The following TRAPPC10 variants were observed in gnomAD, a reference collection of about 807,000 sequenced individuals.
TRAPPC10 encodes the protein TRAPP 130 kDa subunit.
A neutral mutation model predicts 125.5 loss-of-function variants in TRAPPC10; 23 were observed. That is an observed-to-expected ratio of 0.18 (90% CI 0.13 to 0.26). TRAPPC10 has a LOEUF of 0.26. Among genes scored for constraint, TRAPPC10 ranks in the 10% least tolerant of loss-of-function variants. The probability of loss-of-function intolerance (pLI) is 1.00; values close to 1 mark genes in which losing one functional copy is unlikely to be tolerated. For synonymous variants in TRAPPC10, 509 were observed against 518.0 expected, an observed-to-expected ratio of 0.98 and a Z score of 0.24; for missense variants, 1,123 against 1,308.4, an observed-to-expected ratio of 0.86 and a Z score of 2.19.
At chr21:44,014,420 G>A (rs2031564247) in intron 1 of TRAPPC10, among the ~76,000 whole-genome samples, 3 of 151,084 alleles carry the variant, frequency 2.0e-5, no homozygotes, top group African/African-American at 2.4e-5. Flanking sequence ...TTGAGACGGC[G>A]TCTTTCTCTG....
rs141330356 is a variant in TRAPPC10 at position 44,062,372 on chromosome 21, C to T, written c.791-1166C>T. Among the ~76,000 whole-genome samples, 3 of 152,302 alleles carry T rather than the reference C, an allele frequency of 2.0e-5. No homozygotes were observed. The East Asian group carries it at 5.8e-4, about 29-fold the overall frequency. On this transcript the variant is annotated intron_variant, in intron 6 of 22. Transcript: ENST00000291574. ...AACAGGCACAGAAAAGTAAATCTAT[C>T]ACTTGCTGTCCATAATAGTAAGTTT...
At chr21:44,050,518 A>T (rs1015238402) in intron 3 of TRAPPC10, among the ~76,000 whole-genome samples, 5 of 151,884 alleles carry the variant, frequency 3.3e-5, no homozygotes, top group African/African-American at 9.7e-5. Flanking sequence ...GCCGGGTGCT[A>T]TGTGTATTTT....
At chr21:44,025,108 A>G (rs942959268) in intron 1 of TRAPPC10, among the ~76,000 whole-genome samples, 2 of 152,212 alleles carry the variant, frequency 1.3e-5, no homozygotes, top group African/African-American at 4.8e-5. Context: ...TTGTGCACAG[A>G]TAGCCTGTCT....
intron 5 of TRAPPC10, among the ~76,000 whole-genome samples, chr21:44,057,679 C>T (rs1286088145): frequency 6.6e-6 from 1 of 152,216 alleles, no homozygotes; most frequent in Admixed American, 6.5e-5. Flanking sequence ...TATTAGAGTG[C>T]TGAGTCTTGT....
At chr21:44,037,038 A>G (rs1029743825) in intron 2 of TRAPPC10, among the ~76,000 whole-genome samples, 3 of 152,230 alleles carry the variant, frequency 2.0e-5, no homozygotes, top group African/African-American at 7.2e-5. Flanking sequence ...AGTCCCATTC[A>G]TGATGGTTGG....
At chr21:44,039,901 G>A (rs778785944) in intron 3 of TRAPPC10, among the ~76,000 whole-genome samples, 6 of 152,210 alleles carry the variant, frequency 3.9e-5, no homozygotes, top group African/African-American at 7.2e-5. Flanking sequence ...ATACTGATGC[G>A]TCCAATTTTA....
intron 4 of TRAPPC10, among the ~76,000 whole-genome samples, chr21:44,054,021 C>T (rs2035398291): frequency 6.6e-6 from 1 of 152,152 alleles, no homozygotes; most frequent in Non-Finnish European, 1.5e-5. Context: ...GTGGTTGGCA[C>T]TTGTTAAGTT....
At chr21:44,045,621 G>A (rs1004666111) in intron 3 of TRAPPC10, among the ~76,000 whole-genome samples, 5 of 150,848 alleles carry the variant, frequency 3.3e-5, no homozygotes, top group Non-Finnish European at 5.9e-5. Flanking sequence ...GAGCAATCTC[G>A]GCTCACTGCA....
Position 44,094,186 on chromosome 21 carries a change from A to C in TRAPPC10, c.3121A>C (p.Ile1041Leu). The C allele has an allele frequency of 6.2e-7, 1 of 1,614,162 alleles. No individual in the cohort carries two copies. The highest frequency in any genetic ancestry group is 1.7e-5 in the Admixed American group (1 of 60,024). Residue 1041 changes from isoleucine to leucine, a missense_variant, in exon 20 of 23, where the codon ATC (isoleucine) becomes CTC (leucine). Physicochemically the swap from Ile to Leu is conservative, Grantham distance 5. This residue lies in a region of TRAPPC10 where 840 missense variants were observed against 902.0 expected (regional missense o/e 0.93). Coordinates refer to ENST00000291574, the MANE Select transcript of TRAPPC10 (RefSeq NM_003274.5). The stretch of plus-strand genomic sequence containing the variant: ...CCCAGCTTCTGAGGAACAGCTGTCT[A>C]TCTCCTTAAAGCCGTATACTTATGA... The part of the protein sequence containing the change: ...FSPASEEQLS[I>L]SLKPYTYEFK...
At chr21:44,017,853 CTG>C (rs1479281899) in intron 1 of TRAPPC10, among the ~76,000 whole-genome samples, 1 of 152,020 alleles carries the variant, frequency 6.6e-6, no homozygotes, top group Non-Finnish European at 1.5e-5. Context: ...GATGTTGACA[CTG>C]TGAATACCTT....
intron 7 of TRAPPC10, among the ~76,000 whole-genome samples, chr21:44,073,010 T>C (rs564779072): frequency 6.6e-6 from 1 of 152,328 alleles, no homozygotes; most frequent in East Asian, 1.9e-4. Flanking sequence ...TCAGAGCTGC[T>C]TCCTGCTGCC....
chr21:44,085,890 G>A (rs982840139), intron 15 of TRAPPC10, among the ~76,000 whole-genome samples: 2 of 152,106 alleles, frequency 1.3e-5, no homozygotes, highest in Admixed American at 6.5e-5. Flanking sequence ...TCCTTTGTTC[G>A]GGCTAGCAAC....
At chr21:44,021,339 A>AT in intron 1 of TRAPPC10, among the ~76,000 whole-genome samples, 1 of 152,330 alleles carries the variant, frequency 6.6e-6, no homozygotes, top group Middle Eastern at 3.4e-3. Context: ...GAGAGTTTAC[A>AT]TTCTGTCAAG....
At chr21:44,040,770 C>CTT (rs57750878) in intron 3 of TRAPPC10, among the ~76,000 whole-genome samples, 6 of 135,324 alleles carry the variant, frequency 4.4e-5, no homozygotes, top group Non-Finnish European at 6.4e-5. Context: ...CCACGCCTGC[C>CTT]TTTTTTTTTT....
intron 1 of TRAPPC10, among the ~76,000 whole-genome samples, chr21:44,021,291 G>T (rs1346280980): frequency 6.6e-6 from 1 of 152,100 alleles, no homozygotes; most frequent in Non-Finnish European, 1.5e-5. Context: ...TGCTGAAGGG[G>T]CTTGGGTTAT....
chr21:44,084,137 A>C lies in TRAPPC10; in HGVS notation c.2254A>C (p.Thr752Pro). The C allele has an allele frequency of 6.2e-7, 1 of 1,614,160 alleles. No homozygotes were observed. The highest frequency in any genetic ancestry group is 8.5e-7 in the Non-Finnish European group (1 of 1,180,018). The change falls in exon 15 of 23, where the codon ACG becomes CCG. Residue 752 changes from threonine (T) to proline (P), a missense_variant. Physicochemically the swap from Thr to Pro is conservative, Grantham distance 38. Transcript: ENST00000291574. ...TTGACTCTAGGCCAAGGAACCTGGA[A>C]CGTATACACTCAGGCAGCTGTGCGC... is the stretch of plus-strand genomic sequence containing the variant. ...TFRTQAKEPG[T>P]YTLRQLCASV...
At position 44,040,907 on chromosome 21, in the gene TRAPPC10, C is replaced by T. The variant is rs183527198; in HGVS notation, c.285+2980C>T. Among the ~76,000 whole-genome samples, 196 of 152,140 alleles carry T rather than the reference C, an allele frequency of 1.3e-3. 1 individual carries two copies. Among genetic ancestry groups the T allele is most frequent in the Admixed American group, 4.1e-3 (62 of 15,286 alleles). ...CTGGGACTACAGGTGTGAGCCACTG[C>T]GCCCGGCCGCCATAGTTCAATATTG... On this transcript the variant is annotated intron_variant, in intron 3 of 22. Coordinates refer to ENST00000291574, the MANE Select transcript of TRAPPC10 (RefSeq NM_003274.5).
chr21:44,013,159 C>T (rs1436534910), intron 1 of TRAPPC10, among the ~76,000 whole-genome samples: 1 of 145,564 alleles, frequency 6.9e-6, no homozygotes, highest in Non-Finnish European at 1.5e-5. Flanking sequence ...GCTTGCTCCC[C>T]ATGAACAGCC....
intron 1 of TRAPPC10, among the ~76,000 whole-genome samples, chr21:44,028,921 A>T (rs1289679486): frequency 6.6e-6 from 1 of 152,136 alleles, no homozygotes; most frequent in Admixed American, 6.5e-5. Context: ...TTAGCCTGGA[A>T]CGTGCTCTGC....
Sources: gnomAD v4.1 joint callset for allele counts (sites outside exome capture counted in the v4.1 genomes callset) on GRCh38, gnomAD v4.1.1 for gene constraint, gnomAD v4.1.1 regional missense constraint, MANE v1.5 for transcripts, NCBI Gene and HGNC (gene_info 2026-07-23, HGNC 2026-07-21) for gene names.